Variants in KIF14 observed in about 807,000 individuals in gnomAD.
KIF14 encodes kinesin-like protein KIF14.
A neutral mutation model predicts 176.2 loss-of-function variants in KIF14; 98 were observed. That is an observed-to-expected ratio of 0.56 (90% CI 0.47 to 0.66). The LOEUF (loss-of-function observed/expected upper bound fraction) is 0.66, where lower values mean the gene tolerates loss of function less well. KIF14 is among the 30% of genes least tolerant of loss of function. KIF14 has a pLI of 0.00. For missense variants in KIF14, 1,751 were observed against 1,920.4 expected (o/e 0.91, Z 1.65); for synonymous variants, 566 against 632.2 (o/e 0.90, Z 1.57).
intron 13 of KIF14, 78 bp downstream of exon 13, chr1:200,599,972 G>A (rs1659543383): frequency 1.2e-6 from 1 of 802,106 alleles, no homozygotes; most frequent in Admixed American, 2.4e-5. Context: ...AAATTTACAT[G>A]CATTGGCATA....
At chr1:200,574,183 G>A (rs1357825331) in intron 22 of KIF14, among the ~76,000 whole-genome samples, 1 of 152,180 alleles carries the variant, frequency 6.6e-6, no homozygotes, top group Non-Finnish European at 1.5e-5. Context: ...TGCTTCTGCT[G>A]ACAGATAAAT....
At chr1:200,597,367 T>A (rs1558077806) in intron 14 of KIF14, among the ~76,000 whole-genome samples, 1 of 151,958 alleles carries the variant, frequency 6.6e-6, no homozygotes, top group Non-Finnish European at 1.5e-5. Context: ...TACAAATTAT[T>A]AAGAAATAAG....
Position 200,617,620 on chromosome 1 carries a change from G to A in KIF14, c.1104C>T (p.Phe368=). The A allele has an allele frequency of 6.3e-7, 1 of 1,598,656 alleles. No individual in the cohort carries two copies. The highest frequency in any genetic ancestry group is 1.3e-5 in the African/African-American group (1 of 74,220). ...QVTVAVRVRP[F]TKREKIEKAS... is the part of the protein sequence containing the mutation. ...TAAAAGGCATCACATACCTCTTGGT[G>A]AAAGGTCTTACGCGTACTGCCACTG... Residue 368 remains phenylalanine (F), a synonymous_variant, in exon 2 of 30, where the codon TTC becomes TTT. Coordinates refer to ENST00000367350, the MANE Select transcript of KIF14 (RefSeq NM_014875.3).
chr1:200,555,036 A>G (rs1656759498), intron 28 of KIF14, among the ~76,000 whole-genome samples: 1 of 152,136 alleles, frequency 6.6e-6, no homozygotes, highest in African/African-American at 2.4e-5. Context: ...GGAATAATCT[A>G]TCTAATTCAA....
At chr1:200,585,579 T>G (rs1026995182) in intron 19 of KIF14, among the ~76,000 whole-genome samples, 2 of 152,204 alleles carry the variant, frequency 1.3e-5, no homozygotes, top group Non-Finnish European at 2.9e-5. Context: ...ATTGCCAGAC[T>G]GGGTGGCTTA....
In KIF14 at chr1:200,608,947, C is replaced by T. The variant is rs763229210; in HGVS notation, c.1456-19G>A. ...AGCTGACCTAGTAGGAATAGAAACA[C>T]AGCATATAATTTATTTTGATGTTTT... On this transcript the variant is annotated intron_variant, in intron 4 of 29. Transcript: ENST00000367350. The T allele has an allele frequency of 7.2e-7, 1 of 1,393,458 alleles. No individual in the cohort carries two copies. Among genetic ancestry groups the T allele is most frequent in the South Asian group, 1.2e-5 (1 of 82,852 alleles). The allele number at this position is 1,393,458 out of a possible 1,614,324, so 86.3% of individuals were successfully genotyped here. A position where few individuals can be genotyped will look rare whatever the true frequency, so the allele number is the denominator to read the frequency against.
Position 200,617,653 on chromosome 1 carries a change from A to G in KIF14, c.1071T>C (p.Ser357=). ...AGKDPLKVEN[S]QVTVAVRVRP... ...TTACGCGTACTGCCACTGTCACTTGACTATTCTCTACTTTTAAGGGGTCTT... is the reference window on the plus strand; with the variant it reads ...TTACGCGTACTGCCACTGTCACTTGGCTATTCTCTACTTTTAAGGGGTCTT... The change falls in exon 2 of 30, where the codon AGT becomes AGC. Residue 357 remains serine (S), a synonymous_variant. Transcript: ENST00000367350. The G allele has an allele frequency of 6.2e-7, 1 of 1,613,578 alleles. No homozygotes were observed. The highest frequency in any genetic ancestry group is 8.5e-7 in the Non-Finnish European group (1 of 1,179,690).
intron 11 of KIF14, among the ~76,000 whole-genome samples, chr1:200,601,354 G>A (rs556149675): frequency 1.3e-5 from 2 of 152,302 alleles, no homozygotes; most frequent in East Asian, 3.9e-4. Flanking sequence ...ATGAAAAGAT[G>A]ATAGTTCTAC....
intron 14 of KIF14, among the ~76,000 whole-genome samples, chr1:200,596,853 C>T (rs191877479): frequency 1.7e-4 from 25 of 150,666 alleles, no homozygotes; most frequent in Non-Finnish European, 2.1e-4. Flanking sequence ...CGTGAGCCAC[C>T]GCACCTGGCC....
intron 25 of KIF14, 109 bp from the exon 26 acceptor site, chr1:200,560,989 G>C (rs1247366961): frequency 3.1e-6 from 3 of 957,360 alleles, no homozygotes. Context: ...CCAGCAGTTT[G>C]GGAGGCCGAG....
intron 26 of KIF14, 146 bp downstream of exon 26, chr1:200,560,576 C>A: frequency 3.4e-6 from 3 of 875,802 alleles, no homozygotes; most frequent in Non-Finnish European, 5.2e-6. Context: ...CCGGCCCAAA[C>A]AGTTTTAAAT....
chr1:200,567,418 G>A (rs1467233350), intron 23 of KIF14, among the ~76,000 whole-genome samples: 13 of 151,572 alleles, frequency 8.6e-5, no homozygotes, highest in African/African-American at 2.4e-4. Flanking sequence ...GGTGGCAGGC[G>A]CCTGTAGCCC....
intron 15 of KIF14, among the ~76,000 whole-genome samples, chr1:200,593,404 C>T (rs1391050530): frequency 6.6e-6 from 1 of 152,174 alleles, no homozygotes; most frequent in Non-Finnish European, 1.5e-5. Context: ...GATTTCAACC[C>T]TGTCTGTCTG....
intron 22 of KIF14, among the ~76,000 whole-genome samples, chr1:200,573,540 C>T (rs1280121323): frequency 6.6e-6 from 1 of 151,184 alleles, no homozygotes; most frequent in East Asian, 1.9e-4. Flanking sequence ...GGGTTCACGC[C>T]ATTCTCCTGC....
chr1:200,603,951 T>G lies in KIF14; in HGVS notation c.1751A>C (p.Glu584Ala), dbSNP rs753215434. ...FTLVMTQTKTEFVEGEEHDHR... is the reference protein window; with the variant it reads ...FTLVMTQTKTAFVEGEEHDHR... Reference sequence around the variant, plus strand: ...ATCGTGTTCTTCCCCTTCCACAAATTCTGTCTACAGCAAAATGATATTAAA... The same window carrying G: ...ATCGTGTTCTTCCCCTTCCACAAATGCTGTCTACAGCAAAATGATATTAAA... Residue 584 changes from glutamate (E) to alanine (A), a missense_variant, in exon 9 of 30, where the codon GAA becomes GCA. By Grantham distance (107) the Glu-to-Ala change is moderately radical. Transcript: ENST00000367350. 1 of 1,587,320 alleles carries G rather than the reference T, an allele frequency of 6.3e-7. No individual in the cohort carries two copies. Among genetic ancestry groups the G allele is most frequent in the South Asian group, 1.1e-5 (1 of 90,524 alleles).
At chr1:200,586,786 CATACATAT>C (rs760857086) in intron 18 of KIF14, among the ~76,000 whole-genome samples, 5,917 of 85,218 alleles carry the variant, frequency 0.069, 266 homozygotes, top group African/African-American at 0.16. Flanking sequence ...TATATATATA[CATACATAT>C]ATATATATAT....
At chr1:200,561,234 A>AT (rs1657132354) in intron 25 of KIF14, among the ~76,000 whole-genome samples, 1 of 145,646 alleles carries the variant, frequency 6.9e-6, no homozygotes, top group African/African-American at 2.6e-5. Flanking sequence ...CATCTTAAAA[A>AT]AAAAAAAAAA....
At position 200,603,940 on chromosome 1, in the gene KIF14, C is replaced by T; in HGVS notation, c.1762G>A (p.Gly588Arg). 1 of 1,610,788 alleles carries T rather than the reference C, an allele frequency of 6.2e-7. No individual in the cohort carries two copies. ...MTQTKTEFVE[G>R]EEHDHRITSR... Reference sequence around the variant, plus strand: ...GTTATTCTGTGATCGTGTTCTTCCCCTTCCACAAATTCTGTCTACAGCAAA... The same window carrying T: ...GTTATTCTGTGATCGTGTTCTTCCCTTTCCACAAATTCTGTCTACAGCAAA... The change falls in exon 9 of 30, where the codon GGG (glycine) becomes AGG (arginine). Residue 588 changes from glycine (G) to arginine (R), a missense_variant. By Grantham distance (125) the Gly-to-Arg change is moderately radical. Coordinates refer to ENST00000367350, the MANE Select transcript of KIF14 (RefSeq NM_014875.3).
chr1:200,560,844 C>T lies in KIF14; in HGVS notation c.4108G>A (p.Ala1370Thr), dbSNP rs1558045353. Reference protein sequence around the residue: ...CLDISSMIKEAQKNAIQIVQQ... With the variant: ...CLDISSMIKETQKNAIQIVQQ... ...ACAATTTGGATTGCATTCTTTTGAGCCTCTTTTATCATTGATGAAATATCC... is the reference window on the plus strand; with the variant it reads ...ACAATTTGGATTGCATTCTTTTGAGTCTCTTTTATCATTGATGAAATATCC... The change falls in exon 26 of 30, where the codon GCT becomes ACT. Residue 1370 changes from alanine to threonine, a missense_variant. Coordinates refer to ENST00000367350, the MANE Select transcript of KIF14 (RefSeq NM_014875.3). The T allele has an allele frequency of 6.2e-7, 1 of 1,613,938 alleles. No homozygotes were observed.
Sources: allele counts gnomAD v4.1 joint callset (sites outside exome capture counted in the v4.1 genomes callset), GRCh38; gene constraint gnomAD v4.1.1; transcripts MANE v1.5; gene names NCBI Gene and HGNC (gene_info 2026-07-23, HGNC 2026-07-21).